The following CCDC9 variants were observed in gnomAD, a reference collection of about 807,000 sequenced individuals.
The protein encoded by CCDC9 is coiled-coil domain containing 9.
Under a neutral mutation model 65.6 loss-of-function variants are expected in CCDC9, and 52 were observed. That is an observed-to-expected ratio of 0.79 (90% confidence interval 0.63 to 1.00). The LOEUF (loss-of-function observed/expected upper bound fraction) is 1.00, where lower values mean the gene tolerates loss of function less well. Ranked by LOEUF, CCDC9 falls within the 50% of genes least tolerant of loss-of-function variation. The probability of loss-of-function intolerance (pLI) is 0.00; values close to 1 mark genes in which losing one functional copy is unlikely to be tolerated. For synonymous variants in CCDC9, 332 were observed against 280.3 expected, an observed-to-expected ratio of 1.18 and a Z score of -1.84; for missense variants, 834 against 757.2, an observed-to-expected ratio of 1.10 and a Z score of -1.19.
At chr19:47,258,440 T>C in intron 2 of CCDC9, 37 bp downstream of exon 2, 2 of 1,613,800 alleles carry the variant, frequency 1.2e-6, no homozygotes, top group African/African-American at 1.3e-5. Flanking sequence ...AATCTGAGTT[T>C]TGGGGAAGGG....
intron 4 of CCDC9, 51 bp downstream of exon 4, chr19:47,260,473 G>A (rs754441378): frequency 5.6e-6 from 9 of 1,608,246 alleles, no homozygotes; most frequent in Admixed American, 3.3e-5. Flanking sequence ...GGGGCAGAGG[G>A]TTGAGGCCTG....
chr19:47,267,318 A>G (rs919874966), intron 8 of CCDC9, among the ~76,000 whole-genome samples: 10 of 151,946 alleles, frequency 6.6e-5, no homozygotes, highest in Admixed American at 2.6e-4. Flanking sequence ...TCTGTCGCCC[A>G]GGCTGGATGG....
In CCDC9 at chr19:47,258,554, C is replaced by T. The variant is rs1163512985; in HGVS notation, c.4-5C>T. On this transcript the variant is annotated splice_polypyrimidine_tract_variant and splice_region_variant and intron_variant, in intron 2 of 11. Transcript: ENST00000221922. ...TTCCATCCCTCAACTGCCTCCCGGT[C>T]TCAGGCAGCCACACTCGATTTGAAA... 6.2e-7 allele frequency: 1 copy of T among 1,612,832 alleles called. No homozygotes were observed. The highest frequency in any genetic ancestry group is 2.2e-5 in the East Asian group (1 of 44,864).
chr19:47,275,264 C>G, downstream of CCDC9: 1 of 1,542,546 alleles, frequency 6.5e-7, no homozygotes, highest in Middle Eastern at 1.9e-4. Flanking sequence ...GCCGCCGCCG[C>G]CGCTACAGCG....
chr19:47,267,051 G>A (rs561575002), intron 8 of CCDC9, among the ~76,000 whole-genome samples: 21 of 150,360 alleles, frequency 1.4e-4, no homozygotes, highest in Non-Finnish European at 2.7e-4. Flanking sequence ...CGCAAGCTCC[G>A]CCTCCCAGGT....
downstream of CCDC9, chr19:47,274,678 G>A: frequency 3.9e-6 from 1 of 253,480 alleles, no homozygotes; most frequent in Non-Finnish European, 7.0e-6. Flanking sequence ...GGCTAAGCGC[G>A]GGGGCGGGGC....
intron 2 of CCDC9, 47 bp downstream of exon 2, chr19:47,258,450 G>T: frequency 1.9e-6 from 3 of 1,613,308 alleles, no homozygotes; most frequent in Non-Finnish European, 2.5e-6. Context: ...TTGGGGAAGG[G>T]GGCTTGGGAG....
intron 5 of CCDC9, 113 bp downstream of exon 5, chr19:47,260,952 C>T (rs2059041368): frequency 1.6e-6 from 2 of 1,251,092 alleles, no homozygotes; most frequent in Non-Finnish European, 2.2e-6. Context: ...CAGTATCTCT[C>T]TCTGAGCCTT....
chr19:47,265,653 A>G (rs925808530), intron 7 of CCDC9, among the ~76,000 whole-genome samples: 1 of 150,038 alleles, frequency 6.7e-6, no homozygotes, highest in African/African-American at 2.4e-5. Flanking sequence ...GGCACTTACT[A>G]TGTGCCAGGT....
downstream of CCDC9, chr19:47,274,073 T>C: frequency 1.4e-6 from 1 of 740,260 alleles, no homozygotes; most frequent in Non-Finnish European, 1.7e-6. Context: ...GCTGTGTTCT[T>C]TCTACCCCAG....
At chr19:47,273,707 G>A (rs117719527), downstream of CCDC9, 1,655 of 376,192 alleles carry the variant, frequency 4.4e-3, 9 homozygotes, top group Non-Finnish European at 6.5e-3. Flanking sequence ...TGGGCGGCTC[G>A]AGCCAGTCTT....
chr19:47,266,687 G>A lies in CCDC9; in HGVS notation c.797G>A (p.Arg266His), dbSNP rs1252834613. ...GGCCGGGAGCGGTCGGAGTACCTGC[G>A]CTGGAAGCAGGAGAGGGAGAAGATC... ...MTGRERSEYLRWKQEREKIDQ... is the reference protein window; with the variant it reads ...MTGRERSEYLHWKQEREKIDQ... Residue 266 changes from arginine (R) to histidine (H), a missense_variant, in exon 8 of 12, where the codon CGC (arginine) becomes CAC (histidine). Coordinates refer to ENST00000221922, the MANE Select transcript of CCDC9 (RefSeq NM_015603.3). The A allele has an allele frequency of 7.5e-6, 12 of 1,609,366 alleles. No homozygotes were observed. The highest frequency in any genetic ancestry group is 1.0e-5 in the Non-Finnish European group (12 of 1,177,912).
intron 10 of CCDC9, among the ~76,000 whole-genome samples, 162 bp from the exon 11 acceptor site, chr19:47,270,920 C>T (rs549989438): frequency 1.3e-5 from 2 of 152,072 alleles, no homozygotes; most frequent in Non-Finnish European, 2.9e-5. Flanking sequence ...GCCCCACTTT[C>T]GTTCTGTCCT....
At chr19:47,267,378 A>C (rs1568639807) in intron 8 of CCDC9, among the ~76,000 whole-genome samples, 1 of 152,094 alleles carries the variant, frequency 6.6e-6, no homozygotes, top group Non-Finnish European at 1.5e-5. Flanking sequence ...TCCCGTGTTC[A>C]AGCAATTCTC....
intron 7 of CCDC9, 120 bp from the exon 8 acceptor site, chr19:47,266,491 T>C: frequency 7.1e-7 from 1 of 1,414,808 alleles, no homozygotes; most frequent in Non-Finnish European, 9.3e-7. Flanking sequence ...CCTAGTTGAT[T>C]GTGATCTCTG....
At position 47,271,689 on chromosome 19, in the gene CCDC9, C is replaced by CTGTGTGTGTGTGTGTGTGTGTGTGTGTG. The variant is rs746173971; in HGVS notation, c.*28_*55dup. On this transcript the variant is annotated 3_prime_UTR_variant, in exon 12 of 12. Coordinates refer to ENST00000221922, the MANE Select transcript of CCDC9 (RefSeq NM_015603.3). ...TTTGAGAGTGTATGAAGCTGGCTGC[C>CTGTGTGTGTGTGTGTGTGTGTGTGTGTG]TGTGTGTGTGTGTGTGTGTGTGTGT... 19 of 1,127,772 alleles carry CTGTGTGTGTGTGTGTGTGTGTGTGTGTG rather than the reference C, an allele frequency of 1.7e-5. 1 individual carries two copies. The East Asian group carries it at 2.1e-4, about 12-fold the overall frequency. The allele number at this position is 1,127,772 out of a possible 1,614,324, so 69.9% of individuals were successfully genotyped here. A position where few individuals can be genotyped will look rare whatever the true frequency, so the allele number is the denominator to read the frequency against.
At chr19:47,266,288 C>T (rs2059081950) in intron 7 of CCDC9, 1 of 285,016 alleles carries the variant, frequency 3.5e-6, no homozygotes, top group Non-Finnish European at 6.6e-6. Flanking sequence ...AGCCACCGCG[C>T]CCGGCGGGAG....
intron 10 of CCDC9, 30 bp downstream of exon 10, chr19:47,270,718 C>G: frequency 6.3e-7 from 1 of 1,586,984 alleles, no homozygotes. Flanking sequence ...GGCTTGCATA[C>G]CCCCAGGGCT....
chr19:47,257,252 A>C (rs867101695), intron 1 of CCDC9, among the ~76,000 whole-genome samples: 5 of 139,028 alleles, frequency 3.6e-5, no homozygotes, highest in Non-Finnish European at 7.7e-5. Context: ...GAGGTTGGCC[A>C]GGCCAATCGG....
Sources: allele counts gnomAD v4.1 joint callset (sites outside exome capture counted in the v4.1 genomes callset), GRCh38; gene constraint gnomAD v4.1.1; transcripts MANE v1.5; gene names NCBI Gene and HGNC (gene_info 2026-07-23, HGNC 2026-07-21).